Variants in FIGN observed in about 807,000 individuals in gnomAD.
The protein encoded by FIGN is fidgetin.
In FIGN, 11 loss-of-function variants were observed where a neutral mutation model predicts 51.3. That is an observed-to-expected ratio of 0.21 (90% confidence interval 0.13 to 0.35). The LOEUF (loss-of-function observed/expected upper bound fraction) is 0.35, where lower values mean the gene tolerates loss of function less well. FIGN is among the 10% of genes least tolerant of loss of function. The pLI is 1.00. For synonymous variants in FIGN, 407 were observed against 363.2 expected (o/e 1.12, Z -1.37); for missense variants, 857 against 943.6 (o/e 0.91, Z 1.20).
intron 2 of FIGN, among the ~76,000 whole-genome samples, chr2:163,616,224 A>C (rs1682875185): frequency 6.6e-6 from 1 of 152,232 alleles, no homozygotes; most frequent in South Asian, 2.1e-4. Context: ...GTTTCGAAAC[A>C]AAACAACTAT....
At chr2:163,617,108 T>G (rs1362822821) in intron 2 of FIGN, 1 of 985,118 alleles carries the variant, frequency 1.0e-6, no homozygotes, top group Admixed American at 6.2e-5. Flanking sequence ...GTATTACTAG[T>G]ACTAACTCAT....
chr2:163,632,939 C>T (rs557225247), intron 2 of FIGN, among the ~76,000 whole-genome samples: 1 of 152,148 alleles, frequency 6.6e-6, no homozygotes, highest in Non-Finnish European at 1.5e-5. Flanking sequence ...GCCTGTAATC[C>T]AAGCACTTAG....
At chr2:163,690,347 G>A (rs1684221298) in intron 2 of FIGN, among the ~76,000 whole-genome samples, 1 of 152,036 alleles carries the variant, frequency 6.6e-6, no homozygotes, top group Admixed American at 6.6e-5. Flanking sequence ...ATCAAATAAA[G>A]TATCGGTATA....
chr2:163,640,686 GA>G (rs1194591008), intron 2 of FIGN, among the ~76,000 whole-genome samples: 2 of 152,038 alleles, frequency 1.3e-5, no homozygotes, highest in Non-Finnish European at 2.9e-5. Context: ...CAACTGTGTT[GA>G]TCCTAATGCT....
In FIGN at chr2:163,710,173, C is replaced by T. The variant is rs149545877; in HGVS notation, c.25+24730G>A. 3.9e-5 allele frequency among the ~76,000 whole-genome samples: 6 copies of T among 152,158 alleles called. No homozygotes were observed. The East Asian group carries it at 9.7e-4, about 25-fold the overall frequency. On this transcript the variant is annotated intron_variant, in intron 2 of 2. Coordinates refer to ENST00000333129, the MANE Select transcript of FIGN (RefSeq NM_018086.4). ...CATTAGTGTTCCAGCAAATAAAATACCCTCGATGCAGAAAGGAATTGTGTC... is the reference window on the plus strand; with the variant it reads ...CATTAGTGTTCCAGCAAATAAAATATCCTCGATGCAGAAAGGAATTGTGTC...
intron 2 of FIGN, among the ~76,000 whole-genome samples, chr2:163,729,301 C>T (rs1343097901): frequency 6.6e-6 from 1 of 151,744 alleles, no homozygotes; most frequent in Non-Finnish European, 1.5e-5. Context: ...TGTTCTCATG[C>T]CAGGAATATA....
intron 2 of FIGN, among the ~76,000 whole-genome samples, chr2:163,717,551 C>T (rs1485291717): frequency 6.6e-6 from 1 of 151,924 alleles, no homozygotes; most frequent in South Asian, 2.1e-4. Flanking sequence ...AATTTAACAC[C>T]TCTGAGGGCT....
chr2:163,716,169 G>A (rs1034615987), intron 2 of FIGN, among the ~76,000 whole-genome samples: 2 of 152,152 alleles, frequency 1.3e-5, no homozygotes, highest in Non-Finnish European at 2.9e-5. Context: ...AAGACATCAA[G>A]TTTTTAGGCA....
intron 2 of FIGN, among the ~76,000 whole-genome samples, chr2:163,702,563 C>T (rs1486254560): frequency 6.6e-6 from 1 of 151,918 alleles, no homozygotes; most frequent in Admixed American, 6.6e-5. Context: ...ATGGTTGTAG[C>T]TCCAAACCAA....
intron 2 of FIGN, among the ~76,000 whole-genome samples, chr2:163,673,534 C>A (rs1308532461): frequency 6.6e-6 from 1 of 151,950 alleles, no homozygotes; most frequent in East Asian, 1.9e-4. Context: ...AATTACTCTG[C>A]CAATTACATA....
intron 2 of FIGN, among the ~76,000 whole-genome samples, chr2:163,624,437 AAAAG>A (rs966967523): frequency 1.3e-5 from 2 of 151,638 alleles, no homozygotes; most frequent in South Asian, 2.1e-4. Context: ...AGAAAAAAAA[AAAAG>A]AGAGACACAA....
At chr2:163,640,228 A>T (rs1295799754) in intron 2 of FIGN, among the ~76,000 whole-genome samples, 1 of 152,244 alleles carries the variant, frequency 6.6e-6, no homozygotes, top group Non-Finnish European at 1.5e-5. Context: ...ATCAAGTTAG[A>T]TACAGAAAAT....
chr2:163,666,995 A>G (rs1291371856), intron 2 of FIGN, among the ~76,000 whole-genome samples: 2 of 152,056 alleles, frequency 1.3e-5, no homozygotes, highest in African/African-American at 2.4e-5. Context: ...ACAAAATATA[A>G]TCAATGTATA....
At chr2:163,715,538 C>T (rs933907483) in intron 2 of FIGN, among the ~76,000 whole-genome samples, 13 of 152,176 alleles carry the variant, frequency 8.5e-5, no homozygotes, top group Admixed American at 3.9e-4. Context: ...TGAGTGGGAG[C>T]GGTTTCAGGG....
chr2:163,735,192 T>G, intron 1 of FIGN, 120 bp from the exon 2 acceptor site: 1 of 475,888 alleles, frequency 2.1e-6, no homozygotes, highest in South Asian at 2.6e-5. Context: ...TCAATTTCAC[T>G]CACTCCCATT....
intron 2 of FIGN, among the ~76,000 whole-genome samples, chr2:163,693,167 C>G (rs892681082): frequency 6.6e-6 from 1 of 152,166 alleles, no homozygotes; most frequent in African/African-American, 2.4e-5. Context: ...TTGACTTTTG[C>G]CTCAACCTCT....
chr2:163,638,456 A>T (rs1325819362), intron 2 of FIGN, among the ~76,000 whole-genome samples: 5 of 152,124 alleles, frequency 3.3e-5, no homozygotes, highest in Admixed American at 3.3e-4. Context: ...CACAGAGTCA[A>T]TTAGTAATGT....
intron 2 of FIGN, among the ~76,000 whole-genome samples, chr2:163,681,168 G>A (rs1283272318): frequency 2.6e-5 from 4 of 152,038 alleles, no homozygotes; most frequent in African/African-American, 7.3e-5. Flanking sequence ...TCTGAGGAGG[G>A]GTCAATAAAT....
intron 2 of FIGN, among the ~76,000 whole-genome samples, chr2:163,687,729 A>G (rs972695975): frequency 2.0e-5 from 3 of 152,228 alleles, no homozygotes; most frequent in Non-Finnish European, 2.9e-5. Context: ...TTTAAAGTAT[A>G]TATTTTTTAT....
Sources: allele counts gnomAD v4.1 joint callset (sites outside exome capture counted in the v4.1 genomes callset), GRCh38; gene constraint gnomAD v4.1.1; transcripts MANE v1.5; gene names NCBI Gene and HGNC (gene_info 2026-07-23, HGNC 2026-07-21).